Variants in TMEM114 observed in about 807,000 individuals in gnomAD.
TMEM114 encodes the protein transmembrane protein 114.
A neutral mutation model predicts 6.2 loss-of-function variants in TMEM114; 6 were observed. That is an observed-to-expected ratio of 0.97 (90% confidence interval 0.53 to 1.91). The LOEUF (loss-of-function observed/expected upper bound fraction) is 1.91. Ranked by LOEUF, TMEM114 falls within the 40% of genes most tolerant of loss-of-function variation. The pLI, the probability that TMEM114 is intolerant of heterozygous loss-of-function variation, is 0.01. For synonymous variants in TMEM114, 104 were observed against 73.0 expected (o/e 1.42, Z -2.16); for missense variants, 218 against 158.3 (o/e 1.38, Z -2.02).
chr16:8,554,810 C>A (rs1057454544), intron 2 of TMEM114, among the ~76,000 whole-genome samples: 7 of 152,184 alleles, frequency 4.6e-5, no homozygotes, highest in Admixed American at 3.3e-4. Flanking sequence ...CACAACAACC[C>A]TGAGGGTAGG....
chr16:8,533,454 G>T (rs1337082009), downstream of TMEM114, among the ~76,000 whole-genome samples: 1 of 152,170 alleles, frequency 6.6e-6, no homozygotes, highest in Non-Finnish European at 1.5e-5. Context: ...GGCGATGAAT[G>T]GGCGAGGTGG....
intron 2 of TMEM114, among the ~76,000 whole-genome samples, chr16:8,553,238 C>G (rs867806845): frequency 1.3e-5 from 2 of 152,172 alleles, no homozygotes; most frequent in African/African-American, 4.8e-5. Context: ...AGAATCAAGA[C>G]CTGTGATTTA....
At chr16:8,546,977 G>T (rs1257423178) in intron 2 of TMEM114, among the ~76,000 whole-genome samples, 1 of 152,198 alleles carries the variant, frequency 6.6e-6, no homozygotes, top group African/African-American at 2.4e-5. Context: ...AGCCAACTGA[G>T]CCTTGGGTAA....
At chr16:8,563,838 G>GACT (rs1901395313) in intron 2 of TMEM114, among the ~76,000 whole-genome samples, 1 of 121,376 alleles carries the variant, frequency 8.2e-6, no homozygotes, top group Non-Finnish European at 1.8e-5. Flanking sequence ...AATGAGTGAG[G>GACT]GAGGGAGGGA....
chr16:8,529,068 A>G, the TMEM114 span, among the ~76,000 whole-genome samples: 2 of 152,288 alleles, frequency 1.3e-5, no homozygotes, highest in South Asian at 4.2e-4. Context: ...GGCTTTAGAG[A>G]ATCGTTCGGA....
chr16:8,586,423 A>T (rs1386036396), intron 2 of TMEM114, among the ~76,000 whole-genome samples: 1 of 152,222 alleles, frequency 6.6e-6, no homozygotes, highest in Non-Finnish European at 1.5e-5. Context: ...CTATCCCAGG[A>T]TCACAGAAGG....
chr16:8,562,539 AG>A (rs1901285013), intron 2 of TMEM114, among the ~76,000 whole-genome samples: 2 of 151,298 alleles, frequency 1.3e-5, no homozygotes, highest in Admixed American at 6.6e-5. Context: ...TGAGTGAGTG[AG>A]TGAATGAGTG....
At chr16:8,588,705 A>C (rs1471690696) in intron 2 of TMEM114, among the ~76,000 whole-genome samples, 1 of 152,174 alleles carries the variant, frequency 6.6e-6, no homozygotes, top group African/African-American at 2.4e-5. Context: ...CTCCAATCAT[A>C]TATTTATATG....
chr16:8,563,662 C>T lies in TMEM114; in HGVS notation n.212+25551G>A, dbSNP rs111208691. Reference sequence around the variant, plus strand: ...GTAAATGAGTGAGTGAATGAGTGAGCGAATAAGTAAGTGAATGAGTAAGTG... The same window carrying T: ...GTAAATGAGTGAGTGAATGAGTGAGTGAATAAGTAAGTGAATGAGTAAGTG... On this transcript the variant is annotated intron_variant and non_coding_transcript_variant, in intron 2 of 2. Transcript: ENST00000623677. Among the ~76,000 whole-genome samples, 14 of 127,212 alleles carry T rather than the reference C, an allele frequency of 1.1e-4. No homozygotes were observed. The East Asian group carries it at 1.7e-3, about 16-fold the overall frequency. The allele number at this position is 127,212 out of a possible 152,430, so 83.5% of individuals were successfully genotyped here.
intron 2 of TMEM114, among the ~76,000 whole-genome samples, chr16:8,548,163 C>G (rs1056275557): frequency 6.6e-6 from 1 of 152,150 alleles, no homozygotes; most frequent in Non-Finnish European, 1.5e-5. Context: ...AGCTCCCGCC[C>G]CTATTAACGG....
At chr16:8,568,882 GAGC>G (rs1472843070), downstream of TMEM114, among the ~76,000 whole-genome samples, 8 of 152,218 alleles carry the variant, frequency 5.3e-5, no homozygotes, top group African/African-American at 1.9e-4. Context: ...GTGATTCTAA[GAGC>G]AGCAAGATGA....
chr16:8,583,519 A>T (rs1902221265), intron 2 of TMEM114, among the ~76,000 whole-genome samples: 1 of 152,104 alleles, frequency 6.6e-6, no homozygotes, highest in Admixed American at 6.6e-5. Flanking sequence ...CCAAGGCAGG[A>T]GGGTCGCTTG....
In TMEM114 at chr16:8,572,193, C is replaced by T. The variant is rs777103449; in HGVS notation, c.333G>A (p.Pro111=). 59 of 1,551,442 alleles carry T rather than the reference C, an allele frequency of 3.8e-5. No individual in the cohort carries two copies. The highest frequency in any genetic ancestry group is 1.1e-4 in the African/African-American group (8 of 72,996). ...CAAAAACCATCAGGATCAGGCTGAG[C>T]GGCAGCAGAATCACAAATGTCCCAT... ...TMHGTFVILL[P]LSLILMVFGG... Residue 111 remains proline, a synonymous_variant, in exon 3 of 4, where the codon CCG becomes CCA. Transcript: ENST00000620492.
chr16:8,561,639 G>A (rs1901203337), intron 2 of TMEM114, among the ~76,000 whole-genome samples: 1 of 151,942 alleles, frequency 6.6e-6, no homozygotes, highest in South Asian at 2.1e-4. Flanking sequence ...ATAACTATAT[G>A]AACAAGTGAG....
rs927945341 is a variant in TMEM114 at position 8,569,743 on chromosome 16, T to G, written c.*30A>C. ...CGGTGAAGCTCCGGGGCCAAGCCCC[T>G]CCCTCCCCTCCACGACCCAGCGCCC... is the stretch of plus-strand genomic sequence containing the variant. On this transcript the variant is annotated 3_prime_UTR_variant, in exon 4 of 4. Transcript: ENST00000620492. The G allele has an allele frequency of 1.1e-5, 17 of 1,529,072 alleles. No individual in the cohort carries two copies. The Admixed American group carries it at 3.2e-4, about 29-fold the overall frequency. The allele number at this position is 1,529,072 out of a possible 1,614,324, so 94.7% of individuals were successfully genotyped here.
At chr16:8,576,490 G>A (rs1452114243) in intron 2 of TMEM114, among the ~76,000 whole-genome samples, 1 of 152,204 alleles carries the variant, frequency 6.6e-6, no homozygotes, top group Non-Finnish European at 1.5e-5. Context: ...GAACTGGCAG[G>A]GGCCAGGGGC....
chr16:8,564,330 A>T lies in TMEM114; in HGVS notation n.212+24883T>A, dbSNP rs549692829. 2.8e-3 allele frequency among the ~76,000 whole-genome samples: 373 copies of T among 131,120 alleles called. 6 individuals are homozygous for T. Among genetic ancestry groups the T allele is most frequent in the Non-Finnish European group, 4.8e-3 (297 of 61,502 alleles). 86.0% of individuals were successfully genotyped at this position (131,120 alleles called of 152,430 possible). A position where few individuals can be genotyped will look rare whatever the true frequency, so the allele number is the denominator to read the frequency against. On this transcript the variant is annotated intron_variant and non_coding_transcript_variant, in intron 2 of 2. Coordinates refer to the TMEM114 transcript ENST00000623677. The stretch of plus-strand genomic sequence containing the variant: ...TGAAATAAGTGAATGAGTGAGTTAG[A>T]GAATGAGTCAGTGAGAGAATGAGTC...
chr16:8,560,130 C>G (rs917087234), intron 2 of TMEM114, among the ~76,000 whole-genome samples: 5 of 152,086 alleles, frequency 3.3e-5, no homozygotes, highest in Admixed American at 3.3e-4. Flanking sequence ...GTAGCTGGGA[C>G]TACAGGTGCA....
chr16:8,562,851 A>G (rs1239179918), intron 2 of TMEM114, among the ~76,000 whole-genome samples: 1 of 151,564 alleles, frequency 6.6e-6, no homozygotes, highest in South Asian at 2.1e-4. Flanking sequence ...TGAATAAGTG[A>G]GTGAGTGAAT....
Sources: gnomAD v4.1 joint callset for allele counts (sites outside exome capture counted in the v4.1 genomes callset) on GRCh38, gnomAD v4.1.1 for gene constraint, MANE v1.5 for transcripts, NCBI Gene and HGNC (gene_info 2026-07-23, HGNC 2026-07-21) for gene names.